The following RIMS1 variants were observed in gnomAD, a reference collection of about 807,000 sequenced individuals.
RIMS1 encodes regulating synaptic membrane exocytosis protein 1.
Under a neutral mutation model 214.1 loss-of-function variants are expected in RIMS1, and 83 were observed. The observed-to-expected ratio is 0.39, with a 90% CI of 0.32 to 0.47. The LOEUF is 0.47. RIMS1 is among the 20% of genes least tolerant of loss of function. The probability of loss-of-function intolerance (pLI) is 0.99; values close to 1 mark genes in which losing one functional copy is unlikely to be tolerated. For missense variants in RIMS1, 2,050 were observed against 2,161.8 expected, an observed-to-expected ratio of 0.95 and a Z score of 1.03; for synonymous variants, 793 against 786.8, an observed-to-expected ratio of 1.01 and a Z score of -0.13.
chr6:71,968,229 C>G (rs1794956539), intron 1 of RIMS1, among the ~76,000 whole-genome samples: 1 of 152,178 alleles, frequency 6.6e-6, no homozygotes, highest in Non-Finnish European at 1.5e-5. Flanking sequence ...TGATTTCTGC[C>G]AATAAATGTC....
At chr6:72,009,549 A>G (rs1234936639) in intron 2 of RIMS1, among the ~76,000 whole-genome samples, 1 of 152,210 alleles carries the variant, frequency 6.6e-6, no homozygotes, top group African/African-American at 2.4e-5. Context: ...GGTTTTTTGA[A>G]AAGATCAACA....
intron 29 of RIMS1, among the ~76,000 whole-genome samples, chr6:72,340,279 T>C (rs2097015489): frequency 6.6e-6 from 1 of 151,924 alleles, no homozygotes; most frequent in Non-Finnish European, 1.5e-5. Context: ...GCAGAAGCTC[T>C]TTAGTTTAAT....
intron 2 of RIMS1, among the ~76,000 whole-genome samples, chr6:72,028,562 A>G (rs1817199090): frequency 1.3e-5 from 2 of 152,174 alleles, no homozygotes; most frequent in Non-Finnish European, 2.9e-5. Context: ...GGAAAATGAA[A>G]TGCTTCCTTT....
At chr6:72,031,353 C>G (rs994765966) in intron 2 of RIMS1, among the ~76,000 whole-genome samples, 11 of 152,138 alleles carry the variant, frequency 7.2e-5, no homozygotes, top group Non-Finnish European at 1.6e-4. Flanking sequence ...AGAGCCCCTA[C>G]CCCATTCTTT....
chr6:72,276,709 C>A (rs1216755269), intron 23 of RIMS1, among the ~76,000 whole-genome samples: 1 of 152,026 alleles, frequency 6.6e-6, no homozygotes, highest in African/African-American at 2.4e-5. Context: ...ATTTACAATA[C>A]AATTTTATTA....
intron 27 of RIMS1, among the ~76,000 whole-genome samples, chr6:72,309,922 G>T (rs1342989186): frequency 1.3e-5 from 2 of 151,656 alleles, no homozygotes; most frequent in Non-Finnish European, 2.9e-5. Flanking sequence ...AGCCATTTTT[G>T]TTAATTCAAG....
At chr6:72,297,832 A>G (rs2094245376) in intron 26 of RIMS1, among the ~76,000 whole-genome samples, 1 of 152,012 alleles carries the variant, frequency 6.6e-6, no homozygotes, top group Admixed American at 6.6e-5. Context: ...AAATTTCATT[A>G]AAATCGTATT....
intron 2 of RIMS1, among the ~76,000 whole-genome samples, chr6:72,052,764 T>G (rs776464135): frequency 2.6e-5 from 4 of 152,218 alleles, no homozygotes; most frequent in Non-Finnish European, 5.9e-5. Context: ...ATTCTCTTCC[T>G]TGTTGATTTA....
intron 2 of RIMS1, among the ~76,000 whole-genome samples, chr6:71,969,402 G>A (rs917589960): frequency 7.9e-5 from 12 of 152,314 alleles, no homozygotes; most frequent in African/African-American, 2.9e-4. Flanking sequence ...AAGTATGGAG[G>A]CAAGATACAG....
intron 2 of RIMS1, among the ~76,000 whole-genome samples, chr6:72,005,768 G>A (rs936144382): frequency 6.6e-6 from 1 of 152,172 alleles, no homozygotes; most frequent in Non-Finnish European, 1.5e-5. Flanking sequence ...ATAAAGTAAG[G>A]AATTCGATAG....
chr6:71,941,576 C>G (rs187450681), intron 1 of RIMS1, among the ~76,000 whole-genome samples: 78 of 152,132 alleles, frequency 5.1e-4, no homozygotes, highest in African/African-American at 1.5e-3. Flanking sequence ...CTTCTGAGTT[C>G]TCTCATCCTT....
chr6:71,930,875 C>G (rs1782824387), intron 1 of RIMS1, among the ~76,000 whole-genome samples: 1 of 151,922 alleles, frequency 6.6e-6, no homozygotes, highest in African/African-American at 2.4e-5. Context: ...AAAAGCAGAA[C>G]CAGTGTAAGC....
chr6:71,954,846 G>GCACA lies in RIMS1; in HGVS notation c.165-14117_165-14114dup, dbSNP rs57226234. Among the ~76,000 whole-genome samples the GCACA allele has an allele frequency of 5.7e-3, 830 of 144,892 alleles. 7 individuals carry two copies. Among genetic ancestry groups the GCACA allele is most frequent in the African/African-American group, 0.017 (672 of 39,308 alleles). On this transcript the variant is annotated intron_variant, in intron 1 of 33. Coordinates refer to ENST00000521978, the MANE Select transcript of RIMS1 (RefSeq NM_014989.7). Reference sequence around the variant, plus strand: ...TAAAACATCACAATACCACTCCTCAGCACACACACACACACACACACACTC... The same window carrying GCACA: ...TAAAACATCACAATACCACTCCTCAGCACACACACACACACACACACACACACTC...
intron 23 of RIMS1, among the ~76,000 whole-genome samples, chr6:72,278,146 G>GT (rs199667541): frequency 0.14 from 20,171 of 143,500 alleles, 1,523 homozygotes; most frequent in South Asian, 0.22. Context: ...ATTGAGAATG[G>GT]TTTTTAATCT....
At chr6:72,075,589 AATCC>A (rs1831613192) in intron 2 of RIMS1, among the ~76,000 whole-genome samples, 1 of 152,202 alleles carries the variant, frequency 6.6e-6, no homozygotes, top group Non-Finnish European at 1.5e-5. Flanking sequence ...AAAGAGCTTT[AATCC>A]TGGCATCCAT....
chr6:72,290,060 T>C (rs951329354), intron 24 of RIMS1, among the ~76,000 whole-genome samples: 1 of 152,194 alleles, frequency 6.6e-6, no homozygotes, highest in African/African-American at 2.4e-5. Flanking sequence ...TTTTTATCCA[T>C]ATTTCAGCCA....
chr6:72,277,598 T>C (rs1213406808), intron 23 of RIMS1, among the ~76,000 whole-genome samples: 3 of 149,598 alleles, frequency 2.0e-5, no homozygotes, highest in Non-Finnish European at 4.5e-5. Context: ...AAAAAAAGAA[T>C]ATTTTCTAGA....
At chr6:72,146,315 G>T (rs1278425956) in intron 4 of RIMS1, among the ~76,000 whole-genome samples, 1 of 152,090 alleles carries the variant, frequency 6.6e-6, no homozygotes, top group Non-Finnish European at 1.5e-5. Flanking sequence ...TAGTTTATTT[G>T]CAAGGCAAAC....
chr6:72,341,885 T>C (rs1439628091), intron 29 of RIMS1, among the ~76,000 whole-genome samples: 2 of 151,796 alleles, frequency 1.3e-5, no homozygotes, highest in African/African-American at 4.8e-5. Context: ...TAGCATAATA[T>C]CTTTTCTCCA....
Sources: gnomAD v4.1 joint callset for allele counts (sites outside exome capture counted in the v4.1 genomes callset) on GRCh38, gnomAD v4.1.1 for gene constraint, MANE v1.5 for transcripts, NCBI Gene and HGNC (gene_info 2026-07-23, HGNC 2026-07-21) for gene names.